The following EHMT1 variants were observed in gnomAD, a reference collection of about 807,000 sequenced individuals.
EHMT1 encodes histone-lysine N-methyltransferase EHMT1.
EHMT1 carries 15 observed loss-of-function variants against 147.2 expected under a neutral mutation model. That is an observed-to-expected ratio of 0.10 (90% CI 0.07 to 0.16). The LOEUF (loss-of-function observed/expected upper bound fraction) is 0.16. Ranked by LOEUF, EHMT1 falls within the 10% of genes least tolerant of loss-of-function variation. The pLI is 1.00. For synonymous variants in EHMT1, 795 were observed against 709.6 expected, an observed-to-expected ratio of 1.12 and a Z score of -1.91; for missense variants, 1,587 against 1,772.4, an observed-to-expected ratio of 0.90 and a Z score of 1.88.
intron 25 of EHMT1, chr9:137,834,128 C>T (rs1409732456): frequency 1.6e-6 from 1 of 622,944 alleles, no homozygotes; most frequent in Non-Finnish European, 2.8e-6. Context: ...CAGACGGAGG[C>T]CCAGCGAGGA....
rs562063809 is a variant in EHMT1 at position 137,776,238 on chromosome 9, C to T, written c.1792-380C>T. Among the ~76,000 whole-genome samples, 1 of 152,298 alleles carries T rather than the reference C, an allele frequency of 6.6e-6. No individual in the cohort carries two copies. The highest frequency in any genetic ancestry group is 1.5e-5 in the Non-Finnish European group (1 of 68,030). ...TGCGCACTGCTGGGCACTGAGGCAG[C>T]TCCACCTGCCTGATGCTGTGCCCTG... is the stretch of plus-strand genomic sequence containing the variant. On this transcript the variant is annotated intron_variant, in intron 11 of 26. Transcript: ENST00000460843. This position sits in a 1 kb window ranked among gnomAD's most constrained non-coding sequence, Gnocchi z 4.4.
intron 1 of EHMT1, among the ~76,000 whole-genome samples, chr9:137,626,675 C>T (rs115340284): frequency 0.013 from 1,909 of 151,904 alleles, 38 homozygotes; most frequent in African/African-American, 0.044. Context: ...TGCCGTGTTG[C>T]GAATAAAGCA....
intron 1 of EHMT1, among the ~76,000 whole-genome samples, chr9:137,635,397 G>T (rs1014745567): frequency 6.6e-6 from 1 of 150,482 alleles, no homozygotes; most frequent in Non-Finnish European, 1.5e-5. Flanking sequence ...ATGTATTTTT[G>T]GTAGAGACGG....
chr9:137,702,314 T>G (rs2135195179), intron 1 of EHMT1, among the ~76,000 whole-genome samples: 1 of 152,360 alleles, frequency 6.6e-6, no homozygotes, highest in South Asian at 2.1e-4. Flanking sequence ...AAGTCCCTTC[T>G]GCCTATCAGC....
At chr9:137,779,753 G>T (rs764634860) in intron 14 of EHMT1, 36 bp downstream of exon 14, 1 of 1,608,260 alleles carries the variant, frequency 6.2e-7, no homozygotes. Context: ...ACATGCAGCC[G>T]GCCCTGTGGC....
chr9:137,745,937 G>C (rs1458410028), intron 6 of EHMT1: 3 of 178,838 alleles, frequency 1.7e-5, no homozygotes, highest in Non-Finnish European at 3.5e-5. Flanking sequence ...GGGCTGAGCA[G>C]CCAGCCACCA....
At chr9:137,632,744 C>T in intron 1 of EHMT1, among the ~76,000 whole-genome samples, 1 of 152,250 alleles carries the variant, frequency 6.6e-6, no homozygotes, top group East Asian at 1.9e-4. Context: ...GCCACTGTGC[C>T]CGGCCTAGAC....
intron 16 of EHMT1, among the ~76,000 whole-genome samples, chr9:137,793,307 G>T (rs11793438): frequency 0.47 from 70,925 of 152,114 alleles, 19,679 homozygotes; most frequent in East Asian, 0.86. Context: ...ATCTCTCTAA[G>T]GAAGGCCCAC....
rs1362165326 is a variant in EHMT1, at chr9:137,835,035, G to A, written c.*82G>A. 2.5e-5 allele frequency: 33 copies of A among 1,325,912 alleles called. No individual in the cohort carries two copies. Among genetic ancestry groups the A allele is most frequent in the Admixed American group, 1.2e-4 (3 of 25,400 alleles). 82.1% of individuals were successfully genotyped at this position (1,325,912 alleles called of 1,614,324 possible). ...AGGACGAGGAGGAGAGATTCCGCAC[G>A]CAACCGAAAGGGTCCTTCGGGGCTG... On this transcript the variant is annotated 3_prime_UTR_variant, in exon 27 of 27. Transcript: ENST00000460843.
chr9:137,714,253 G>A (rs1944999867), intron 2 of EHMT1, among the ~76,000 whole-genome samples: 1 of 152,192 alleles, frequency 6.6e-6, no homozygotes, highest in Admixed American at 6.5e-5. Flanking sequence ...TCACCTTTAA[G>A]TGTGATGTTA....
At chr9:137,749,561 A>G (rs994997369) in intron 6 of EHMT1, among the ~76,000 whole-genome samples, 8 of 152,026 alleles carry the variant, frequency 5.3e-5, no homozygotes, top group Admixed American at 5.2e-4. Context: ...TGGCTTCCCA[A>G]AGTGCTGGGA....
In EHMT1 at chr9:137,816,060, C is replaced by T. The variant is rs1175117363; in HGVS notation, c.3372C>T (p.Leu1124=). 2 of 1,610,446 alleles carry T rather than the reference C, an allele frequency of 1.2e-6. No homozygotes were observed. ...GAAATCGCGTCGTACAGAATGGTCT[C>T]AGGTGAGAGGCAGCTTCCTGCCGGA... is the stretch of plus-strand genomic sequence containing the variant. ...NCRNRVVQNG[L]RARLQLYRTR... The change falls in exon 23 of 27, where the codon CTC becomes CTT. Residue 1124 remains leucine, a splice_region_variant and synonymous_variant. Transcript: ENST00000460843.
intron 1 of EHMT1, among the ~76,000 whole-genome samples, chr9:137,621,103 G>A (rs1252978730): frequency 2.0e-5 from 3 of 152,190 alleles, no homozygotes; most frequent in African/African-American, 4.8e-5. Flanking sequence ...CTTGCTAAAT[G>A]TGTTATATCT....
intron 1 of EHMT1, among the ~76,000 whole-genome samples, chr9:137,707,688 A>T (rs1173649774): frequency 6.6e-6 from 1 of 152,210 alleles, no homozygotes; most frequent in Non-Finnish European, 1.5e-5. Context: ...ACATTTTTTC[A>T]AAAGATTACA....
Position 137,757,979 on chromosome 9 carries a change from G to T in EHMT1, c.1469G>T (p.Arg490Leu). The T allele has an allele frequency of 6.2e-7, 1 of 1,614,108 alleles. No homozygotes were observed. The highest frequency in any genetic ancestry group is 1.3e-5 in the African/African-American group (1 of 75,008). Residue 490 changes from arginine (R) to leucine (L), a missense_variant, in exon 9 of 27, where the codon CGA (arginine) becomes CTA (leucine). Physicochemically the swap from Arg to Leu is moderately radical, Grantham distance 102. Transcript: ENST00000460843. ...GTTTCTCTGGACTCCCTGGATCTCC[G>T]AGTCAAAGGAATTCTGTCTTCACAA... ...MEVSLDSLDL[R>L]VKGILSSQAE...
At chr9:137,773,913 C>T (rs1167192485) in intron 10 of EHMT1, among the ~76,000 whole-genome samples, 1 of 152,176 alleles carries the variant, frequency 6.6e-6, no homozygotes, top group Non-Finnish European at 1.5e-5. Flanking sequence ...GAGAACTTTC[C>T]GTAGCAAACC....
At chr9:137,768,327 G>T (rs60311669) in intron 10 of EHMT1, among the ~76,000 whole-genome samples, 7,195 of 122,756 alleles carry the variant, frequency 0.059, 596 homozygotes, top group African/African-American at 0.19. Flanking sequence ...CTGTTTTCCT[G>T]TTTTCTTCAT....
chr9:137,679,468 G>T (rs1162736181), intron 1 of EHMT1, among the ~76,000 whole-genome samples: 1 of 152,112 alleles, frequency 6.6e-6, no homozygotes, highest in Non-Finnish European at 1.5e-5. Context: ...TTTGTTAGGG[G>T]TTACTGATGT....
chr9:137,762,960 A>T, intron 10 of EHMT1, 140 bp downstream of exon 10: 1 of 1,047,384 alleles, frequency 9.5e-7, no homozygotes, highest in Non-Finnish European at 1.4e-6. Flanking sequence ...CGCAGAACCA[A>T]TCGAGCAGAT....
Sources: allele counts gnomAD v4.1 joint callset (sites outside exome capture counted in the v4.1 genomes callset), GRCh38; gene constraint gnomAD v4.1.1; non-coding constraint Gnocchi (gnomAD v3.1); transcripts MANE v1.5; gene names NCBI Gene and HGNC (gene_info 2026-07-23, HGNC 2026-07-21).